Variants in ARMH4 observed in about 807,000 individuals in gnomAD.
ARMH4 encodes the protein armadillo like helical domain containing 4, also known as armadillo-like helical domain-containing protein 4.
A neutral mutation model predicts 61.9 loss-of-function variants in ARMH4; 49 were observed. That is an observed-to-expected ratio of 0.79 (90% confidence interval 0.63 to 1.00). The LOEUF (loss-of-function observed/expected upper bound fraction) is 1.00, where lower values mean the gene tolerates loss of function less well. ARMH4 is among the 50% of genes least tolerant of loss of function. The pLI is 0.00. For synonymous variants in ARMH4, 368 were observed against 341.5 expected (o/e 1.08, Z -0.85); for missense variants, 934 against 930.0 (o/e 1.00, Z -0.06).
intron 5 of ARMH4, among the ~76,000 whole-genome samples, chr14:58,030,017 C>A (rs140571313): frequency 0.012 from 1,863 of 152,208 alleles, 18 homozygotes; most frequent in Non-Finnish European, 0.019. Flanking sequence ...TATTATTCAG[C>A]CCTAAAAAGA....
At chr14:58,058,594 C>T (rs1220906640) in intron 5 of ARMH4, among the ~76,000 whole-genome samples, 1 of 152,142 alleles carries the variant, frequency 6.6e-6, no homozygotes, top group Non-Finnish European at 1.5e-5. Flanking sequence ...CATTTGCAAA[C>T]TGTCACGGCA....
intron 5 of ARMH4, among the ~76,000 whole-genome samples, chr14:58,013,362 A>G (rs1392086834): frequency 6.6e-6 from 1 of 152,060 alleles, no homozygotes; most frequent in East Asian, 1.9e-4. Context: ...AATGTCATAA[A>G]TATTTTTCTT....
intron 2 of ARMH4, among the ~76,000 whole-genome samples, chr14:58,136,674 T>G (rs1275833737): frequency 6.6e-6 from 1 of 152,228 alleles, no homozygotes. Flanking sequence ...ACGTTGTACA[T>G]GTTCCAAAAC....
intron 4 of ARMH4, 56 bp from the exon 5 acceptor site, chr14:58,097,037 C>T: frequency 6.5e-7 from 1 of 1,532,092 alleles, no homozygotes; most frequent in Non-Finnish European, 9.0e-7. Context: ...TATGCTGAAA[C>T]AAATGAATCC....
rs1366516444 is a variant in ARMH4, at chr14:58,060,990, T to C, written c.2089+35734A>G. Among the ~76,000 whole-genome samples, 3 of 152,098 alleles carry C rather than the reference T, an allele frequency of 2.0e-5. No homozygotes were observed. The East Asian group carries it at 5.8e-4, about 29-fold the overall frequency. On this transcript the variant is annotated intron_variant, in intron 5 of 7. Transcript: ENST00000267485. Reference sequence around the variant, plus strand: ...CCTTGGCCTACCTCAGTTCCCAAGTTAAGGGTGACAGAAGCAGCCTGCATC... The same window carrying C: ...CCTTGGCCTACCTCAGTTCCCAAGTCAAGGGTGACAGAAGCAGCCTGCATC...
At chr14:58,118,239 G>T (rs1406865364) in intron 4 of ARMH4, among the ~76,000 whole-genome samples, 1 of 152,152 alleles carries the variant, frequency 6.6e-6, no homozygotes, top group South Asian at 2.1e-4. Flanking sequence ...TATCATATGG[G>T]TGTATTTCTT....
Position 58,061,084 on chromosome 14 carries a change from T to C in ARMH4, c.2089+35640A>G, listed in dbSNP as rs80112241. ...GAATAACATCACATTCCAGATTCCATGCTGAGCTCCAACTCCGTGAGGCTC... is the reference window on the plus strand; with the variant it reads ...GAATAACATCACATTCCAGATTCCACGCTGAGCTCCAACTCCGTGAGGCTC... On this transcript the variant is annotated intron_variant, in intron 5 of 7. Transcript: ENST00000267485. 5.1e-3 allele frequency among the ~76,000 whole-genome samples: 775 copies of C among 152,204 alleles called. 5 individuals are homozygous for C. The highest frequency in any genetic ancestry group is 0.018 in the African/African-American group (739 of 41,528).
intron 5 of ARMH4, among the ~76,000 whole-genome samples, chr14:58,079,528 A>G (rs2141240076): frequency 6.6e-6 from 1 of 152,306 alleles, no homozygotes; most frequent in East Asian, 1.9e-4. Flanking sequence ...CACTGTTGCA[A>G]TGGGGATTAA....
chr14:58,012,209 ATTAAG>A (rs1230320085), intron 5 of ARMH4, 59 bp from the exon 6 acceptor site: 5 of 1,012,714 alleles, frequency 4.9e-6, no homozygotes, highest in Non-Finnish European at 7.3e-6. Context: ...AATTCATGGC[ATTAAG>A]TTAATTTGAC....
intron 5 of ARMH4, among the ~76,000 whole-genome samples, chr14:58,056,128 G>C (rs1474314493): frequency 2.0e-5 from 3 of 152,178 alleles, no homozygotes; most frequent in Non-Finnish European, 4.4e-5. Flanking sequence ...ATTTTTTAGA[G>C]GGAGTGCCAC....
chr14:58,031,308 T>C (rs1883221636), intron 5 of ARMH4, among the ~76,000 whole-genome samples: 1 of 152,216 alleles, frequency 6.6e-6, no homozygotes, highest in Non-Finnish European at 1.5e-5. Flanking sequence ...TATATGGCTG[T>C]GAATTAGCCA....
intron 5 of ARMH4, among the ~76,000 whole-genome samples, chr14:58,038,794 A>G (rs1182955497): frequency 6.6e-6 from 1 of 152,214 alleles, no homozygotes; most frequent in Non-Finnish European, 1.5e-5. Context: ...ACAAAGACAC[A>G]TATACTGCAT....
At chr14:58,120,338 A>T (rs1243220901) in intron 4 of ARMH4, among the ~76,000 whole-genome samples, 1 of 151,884 alleles carries the variant, frequency 6.6e-6, no homozygotes, top group Non-Finnish European at 1.5e-5. Context: ...TCTATAACAC[A>T]AACACTCCCC....
At chr14:58,074,257 A>G (rs1209677980) in intron 5 of ARMH4, among the ~76,000 whole-genome samples, 1 of 152,176 alleles carries the variant, frequency 6.6e-6, no homozygotes, top group Non-Finnish European at 1.5e-5. Flanking sequence ...AAGTTTTTCT[A>G]TCTGTAACTA....
At chr14:58,097,085 C>A in intron 4 of ARMH4, 104 bp from the exon 5 acceptor site, 1 of 1,232,086 alleles carries the variant, frequency 8.1e-7, no homozygotes, top group South Asian at 1.4e-5. Context: ...AATTGTTTGG[C>A]CTTTTGAAAC....
In ARMH4 at chr14:58,004,725, C is replaced by T; in HGVS notation, c.*11G>A. ...GCATCGTTGAATATCCCAATTAAAA[C>T]CCAGTCCAATTCAAAATTCATCTTC... is the stretch of plus-strand genomic sequence containing the variant. On this transcript the variant is annotated 3_prime_UTR_variant, in exon 8 of 8. Coordinates refer to ENST00000267485, the MANE Select transcript of ARMH4 (RefSeq NM_001001872.4). 2.5e-6 allele frequency: 4 copies of T among 1,596,632 alleles called. No individual in the cohort carries two copies. The highest frequency in any genetic ancestry group is 2.6e-6 in the Non-Finnish European group (3 of 1,165,990).
chr14:58,005,330 T>A, intron 6 of ARMH4, 148 bp from the exon 7 acceptor site: 1 of 999,286 alleles, frequency 1.0e-6, no homozygotes, highest in Non-Finnish European at 1.4e-6. Context: ...TAAAATACAG[T>A]AACTTTTTAG....
chr14:58,103,378 G>A (rs1397133656), intron 4 of ARMH4, among the ~76,000 whole-genome samples: 1 of 152,020 alleles, frequency 6.6e-6, no homozygotes, highest in Non-Finnish European at 1.5e-5. Flanking sequence ...TATGGGAGTG[G>A]GCTCATGCTC....
In ARMH4 at chr14:58,005,196, G is replaced by T; in HGVS notation, c.2122-14C>A. The T allele has an allele frequency of 6.2e-7, 1 of 1,613,802 alleles. No individual in the cohort carries two copies. The highest frequency in any genetic ancestry group is 8.5e-7 in the Non-Finnish European group (1 of 1,179,838). On this transcript the variant is annotated splice_polypyrimidine_tract_variant and intron_variant, in intron 6 of 7. Coordinates refer to ENST00000267485, the MANE Select transcript of ARMH4 (RefSeq NM_001001872.4). ...CATGTAACCAGCCTGCATAGAAAAG[G>T]AAACACACATTAGGATGCTAAACAG... is the stretch of plus-strand genomic sequence containing the variant.
Sources: allele counts gnomAD v4.1 joint callset (sites outside exome capture counted in the v4.1 genomes callset), GRCh38; gene constraint gnomAD v4.1.1; transcripts MANE v1.5; gene names NCBI Gene and HGNC (gene_info 2026-07-23, HGNC 2026-07-21).